Variants in CNGB3 observed in about 807,000 individuals in gnomAD.
The protein encoded by CNGB3 is cyclic nucleotide-gated channel beta-3.
Under a neutral mutation model 92.8 loss-of-function variants are expected in CNGB3, and 86 were observed. That is an observed-to-expected ratio of 0.93 (90% CI 0.78 to 1.11). The LOEUF (loss-of-function observed/expected upper bound fraction) is 1.11, where lower values mean the gene tolerates loss of function less well. Among genes scored for constraint, CNGB3 ranks in the 50% least tolerant of loss-of-function variants. The pLI is 0.00. For synonymous variants in CNGB3, 333 were observed against 332.7 expected, an observed-to-expected ratio of 1.00 and a Z score of -0.01; for missense variants, 1,026 against 956.8, an observed-to-expected ratio of 1.07 and a Z score of -0.95.
intron 10 of CNGB3, among the ~76,000 whole-genome samples, chr8:86,635,242 G>C (rs528084323): frequency 6.6e-6 from 1 of 151,968 alleles, no homozygotes; most frequent in African/African-American, 2.4e-5. Flanking sequence ...ACCGGTTTTG[G>C]ACCTGTGGGT....
intron 6 of CNGB3, chr8:86,658,094 C>T: frequency 1.9e-6 from 1 of 525,324 alleles, no homozygotes. Context: ...GCCGGGTGGG[C>T]CTCCCCACAC....
chr8:86,665,138 T>C (rs931767497), intron 6 of CNGB3, among the ~76,000 whole-genome samples: 1 of 152,154 alleles, frequency 6.6e-6, no homozygotes, highest in Non-Finnish European at 1.5e-5. Flanking sequence ...GTCATGACCA[T>C]ATAATAGCCA....
intron 4 of CNGB3, among the ~76,000 whole-genome samples, chr8:86,669,285 A>G (rs1467764326): frequency 6.6e-6 from 1 of 152,208 alleles, no homozygotes; most frequent in Non-Finnish European, 1.5e-5. Flanking sequence ...TAAAAAAGAA[A>G]ACAAATCATG....
At position 86,578,834 on chromosome 8, in the gene CNGB3, G is replaced by A; in HGVS notation, c.1958C>T (p.Ala653Val). Residue 653 changes from alanine to valine, a missense_variant, in exon 17 of 18, where the codon GCA (alanine) becomes GTA (valine). Physicochemically the swap from Ala to Val is moderately conservative, Grantham distance 64. Transcript: ENST00000320005. ...ATCTTTTCTTGGAGGGGTTGCTTCT[G>A]CGGTCTTAGCCTTCTGCTTTAAAAG... The part of the protein sequence containing the change: ...RVLLKQKAKT[A>V]EATPPRKDLA... The A allele has an allele frequency of 6.2e-7, 1 of 1,614,186 alleles. No individual in the cohort carries two copies. The highest frequency in any genetic ancestry group is 1.6e-4 in the Middle Eastern group (1 of 6,062).
intron 3 of CNGB3, among the ~76,000 whole-genome samples, chr8:86,713,261 A>T (rs2131660783): frequency 6.6e-6 from 1 of 152,306 alleles, no homozygotes; most frequent in Middle Eastern, 3.4e-3. Flanking sequence ...GACCTACTTT[A>T]TGTTCTAGAA....
intron 6 of CNGB3, chr8:86,660,411 C>T: frequency 2.2e-6 from 1 of 464,706 alleles, no homozygotes; most frequent in South Asian, 1.7e-5. Flanking sequence ...TTAACCAGGG[C>T]CACACTAGAA....
intron 15 of CNGB3, among the ~76,000 whole-genome samples, chr8:86,580,574 C>T (rs970994950): frequency 6.6e-6 from 1 of 152,148 alleles, no homozygotes; most frequent in Non-Finnish European, 1.5e-5. Context: ...ATACATCTCC[C>T]CACCTGGAAT....
At chr8:86,654,911 T>C (rs1823473826) in intron 6 of CNGB3, among the ~76,000 whole-genome samples, 1 of 152,168 alleles carries the variant, frequency 6.6e-6, no homozygotes, top group Admixed American at 6.5e-5. Context: ...GGGTTGATGC[T>C]ACCAAATCTC....
At chr8:86,714,869 C>T (rs898724392) in intron 3 of CNGB3, among the ~76,000 whole-genome samples, 2 of 152,110 alleles carry the variant, frequency 1.3e-5, no homozygotes, top group African/African-American at 2.4e-5. Context: ...CCTGTGACTG[C>T]TTTCCCCCAC....
At chr8:86,635,265 A>AG (rs1334116931) in intron 10 of CNGB3, among the ~76,000 whole-genome samples, 2 of 152,084 alleles carry the variant, frequency 1.3e-5, no homozygotes, top group African/African-American at 2.4e-5. Context: ...CTTTAAATTA[A>AG]GGAAATTTAT....
intron 3 of CNGB3, among the ~76,000 whole-genome samples, chr8:86,672,863 T>C (rs1823887335): frequency 6.6e-6 from 1 of 152,230 alleles, no homozygotes; most frequent in Non-Finnish European, 1.5e-5. Flanking sequence ...TCTCCAAGTA[T>C]GTCACATTAG....
intron 2 of CNGB3, among the ~76,000 whole-genome samples, chr8:86,734,148 G>A (rs1034375701): frequency 2.6e-5 from 4 of 152,222 alleles, no homozygotes; most frequent in South Asian, 2.1e-4. Context: ...ATGAACCACC[G>A]TGCCTGGCCA....
At chr8:86,699,833 C>T (rs1191104845) in intron 3 of CNGB3, among the ~76,000 whole-genome samples, 1 of 152,142 alleles carries the variant, frequency 6.6e-6, no homozygotes, top group Non-Finnish European at 1.5e-5. Context: ...TTTAATCTTT[C>T]TTCTTAGCCT....
At chr8:86,697,402 T>C (rs1824469356) in intron 3 of CNGB3, among the ~76,000 whole-genome samples, 3 of 152,212 alleles carry the variant, frequency 2.0e-5, no homozygotes, top group African/African-American at 4.8e-5. Flanking sequence ...GTTATATCAT[T>C]AGAGATCAAG....
intron 1 of CNGB3, 112 bp from the exon 2 acceptor site, chr8:86,739,848 CTGTT>C: frequency 8.0e-7 from 1 of 1,246,994 alleles, no homozygotes; most frequent in South Asian, 1.3e-5. Context: ...TTAAAATTGA[CTGTT>C]TATGATGTAC....
chr8:86,683,109 A>G (rs746231747), intron 3 of CNGB3, among the ~76,000 whole-genome samples: 1 of 152,184 alleles, frequency 6.6e-6, no homozygotes, highest in African/African-American at 2.4e-5. Flanking sequence ...TTTTTCTCTG[A>G]AAGTATAGAT....
At chr8:86,593,930 G>T in intron 15 of CNGB3, 1 of 556,960 alleles carries the variant, frequency 1.8e-6, no homozygotes. Flanking sequence ...GGGGCAGAAG[G>T]AGTGGAATCG....
intron 15 of CNGB3, among the ~76,000 whole-genome samples, chr8:86,585,115 T>G (rs1015998946): frequency 6.6e-6 from 1 of 152,006 alleles, no homozygotes; most frequent in African/African-American, 2.4e-5. Flanking sequence ...TGTGCCAAAG[T>G]TGGGTGAATG....
At chr8:86,655,741 C>T (rs1017808850) in intron 6 of CNGB3, among the ~76,000 whole-genome samples, 2 of 152,138 alleles carry the variant, frequency 1.3e-5, no homozygotes, top group Non-Finnish European at 1.5e-5. Context: ...AACACAGTGT[C>T]TAACACACAG....
Sources: allele counts gnomAD v4.1 joint callset (sites outside exome capture counted in the v4.1 genomes callset), GRCh38; gene constraint gnomAD v4.1.1; transcripts MANE v1.5; gene names NCBI Gene and HGNC (gene_info 2026-07-23, HGNC 2026-07-21).